The following ARSF variants were observed in gnomAD, a reference collection of about 807,000 sequenced individuals.
The protein encoded by ARSF is arylsulfatase F.
ARSF carries 33 observed loss-of-function variants against 35.4 expected under a neutral mutation model. The ratio of observed to expected loss-of-function variants is 0.93; its 90% CI spans 0.71 to 1.25. The LOEUF (loss-of-function observed/expected upper bound fraction) is 1.25. Ranked by LOEUF, ARSF falls within the 50% of genes most tolerant of loss-of-function variation. The pLI is 0.00. For missense variants in ARSF, 501 were observed against 480.2 expected, an observed-to-expected ratio of 1.04 and a Z score of -0.40; for synonymous variants, 222 against 193.1, an observed-to-expected ratio of 1.15 and a Z score of -1.24.
chrX:3,067,910 C>T (rs971045396), intron 1 of ARSF, among the ~76,000 whole-genome samples, 163 bp from the exon 2 acceptor site: 9 of 109,291 alleles, frequency 8.2e-5, no homozygotes, highest in African/African-American at 3.0e-4. Flanking sequence ...AGGATTTGTG[C>T]AGTAGTGGCC....
chrX:3,063,256 C>T (rs1467092143), intron 1 of ARSF, among the ~76,000 whole-genome samples: 1 of 111,338 alleles, frequency 9.0e-6, no homozygotes, highest in Non-Finnish European at 1.9e-5. Context: ...ATTCAGCAGC[C>T]CTTCATGCTA....
At chrX:3,072,515 A>T (rs1298664047) in intron 3 of ARSF, among the ~76,000 whole-genome samples, 4 of 111,264 alleles carry the variant, frequency 3.6e-5, no homozygotes, top group South Asian at 3.8e-4. Context: ...CAGGATGGTC[A>T]TAGTAAAAGC....
At chrX:3,108,709 T>C (rs1040092637) in intron 9 of ARSF, among the ~76,000 whole-genome samples, 1 of 111,841 alleles carries the variant, frequency 8.9e-6, no homozygotes, top group Non-Finnish European at 1.9e-5. Flanking sequence ...GTAAATATAG[T>C]TTTATTTCTT....
intron 1 of ARSF, among the ~76,000 whole-genome samples, chrX:3,044,706 C>A (rs1402649112): frequency 9.1e-6 from 1 of 109,687 alleles, no homozygotes; most frequent in Non-Finnish European, 1.9e-5. Context: ...CTTCTCTGCT[C>A]GCCACTCAGT....
chrX:3,058,399 C>G (rs1398729677), intron 1 of ARSF: 1 of 154,006 alleles, frequency 6.5e-6, no homozygotes, highest in Non-Finnish European at 1.3e-5. Context: ...TGGTGCTGAA[C>G]GTAGTGCAGA....
At chrX:3,110,294 A>AG (rs1334917980) in intron 10 of ARSF, 42 bp downstream of exon 10, 12 of 1,104,465 alleles carry the variant, frequency 1.1e-5, no homozygotes, top group Non-Finnish European at 1.4e-5. Flanking sequence ...TGCCAGGAGC[A>AG]GGGTCACTCA....
chrX:3,043,777 G>A (rs761598993), intron 1 of ARSF, among the ~76,000 whole-genome samples: 2 of 111,311 alleles, frequency 1.8e-5, no homozygotes, highest in East Asian at 5.7e-4. Flanking sequence ...TTGTCTGTTT[G>A]TTTGATTGAT....
intron 7 of ARSF, among the ~76,000 whole-genome samples, chrX:3,095,944 T>C: frequency 9.6e-6 from 1 of 104,000 alleles, no homozygotes. Context: ...CTATATTTTA[T>C]ATATATCTAA....
intron 6 of ARSF, among the ~76,000 whole-genome samples, chrX:3,087,336 T>C (rs2090255663): frequency 8.9e-6 from 1 of 111,837 alleles, no homozygotes; most frequent in Non-Finnish European, 1.9e-5. Flanking sequence ...GCTTCCTCTG[T>C]AGGCTCTAGG....
intron 6 of ARSF, among the ~76,000 whole-genome samples, chrX:3,086,100 C>A (rs2090246240): frequency 1.8e-5 from 2 of 111,492 alleles, no homozygotes; most frequent in African/African-American, 6.5e-5. Flanking sequence ...TCACTTAGAG[C>A]AAATCTTTCT....
At chrX:3,084,135 TG>T in intron 5 of ARSF, 107 bp from the exon 6 acceptor site, 1 of 909,881 alleles carries the variant, frequency 1.1e-6, no homozygotes, top group East Asian at 3.1e-5. Context: ...ACTTTATTTT[TG>T]TGTATTAGCT....
chrX:3,090,155 TTTTG>T (rs1324731928), intron 7 of ARSF, among the ~76,000 whole-genome samples: 1 of 112,045 alleles, frequency 8.9e-6, no homozygotes, highest in East Asian at 2.8e-4. Context: ...CTCCCACTTA[TTTTG>T]TTTCATTTTT....
intron 7 of ARSF, among the ~76,000 whole-genome samples, chrX:3,093,398 C>A (rs1167217802): frequency 1.8e-5 from 2 of 111,420 alleles, no homozygotes; most frequent in Non-Finnish European, 3.8e-5. Flanking sequence ...AGATTTTCAG[C>A]CCTTGTCCCC....
chrX:3,055,342 CAAAAAAAAAAAA>C, intron 1 of ARSF, among the ~76,000 whole-genome samples: 1 of 32,442 alleles, frequency 3.1e-5, no homozygotes, highest in East Asian at 1.1e-3. Flanking sequence ...AACTCCATTT[CAAAAAAAAAAAA>C]AAAAAAAAAA....
rs780763969 is a variant in ARSF at position 3,103,849 on chromosome X, T to G, written c.1190T>G (p.Ile397Ser). The G allele has an allele frequency of 4.1e-6, 5 of 1,211,562 alleles. No homozygotes were observed. In the Admixed American group the frequency reaches 1.1e-4, roughly 26 times the overall value. Reference sequence around the variant, plus strand: ...GGAAAGGTACCAGCTGGACGGTTGATTAAGGAACCTACAAGTTTAATGGAT... The same window carrying G: ...GGAAAGGTACCAGCTGGACGGTTGAGTAAGGAACCTACAAGTTTAATGGAT... The part of the protein sequence containing the change: ...WPGKVPAGRL[I>S]KEPTSLMDIL... Residue 397 changes from isoleucine (I) to serine (S), a missense_variant, in exon 9 of 11, where the codon ATT becomes AGT. Ile to Ser is a moderately radical substitution (Grantham distance 142). Coordinates refer to ENST00000381127, the MANE Select transcript of ARSF (RefSeq NM_001201539.2).
intron 3 of ARSF, among the ~76,000 whole-genome samples, chrX:3,073,672 A>C (rs1453058787): frequency 7.1e-5 from 7 of 98,318 alleles, no homozygotes; most frequent in African/African-American, 2.1e-4. Context: ...ATAATTAAAT[A>C]TATAATTAAT....
intron 3 of ARSF, among the ~76,000 whole-genome samples, chrX:3,074,855 A>G (rs2090134626): frequency 9.0e-6 from 1 of 110,594 alleles, no homozygotes; most frequent in South Asian, 3.9e-4. Flanking sequence ...CCTGTTCTCG[A>G]CCCTCACCCC....
chrX:3,065,551 C>T (rs998957071), intron 1 of ARSF, among the ~76,000 whole-genome samples: 4 of 106,932 alleles, frequency 3.7e-5, no homozygotes, highest in African/African-American at 1.4e-4. Context: ...ACAGGAAAAT[C>T]GTTTAAGACC....
intron 5 of ARSF, among the ~76,000 whole-genome samples, chrX:3,082,307 T>C (rs1452253397): frequency 9.0e-6 from 1 of 111,723 alleles, no homozygotes; most frequent in Non-Finnish European, 1.9e-5. Context: ...GATTTATCTA[T>C]AGCTATCATC....
Sources: allele counts gnomAD v4.1 joint callset (sites outside exome capture counted in the v4.1 genomes callset), GRCh38; gene constraint gnomAD v4.1.1; transcripts MANE v1.5; gene names NCBI Gene and HGNC (gene_info 2026-07-23, HGNC 2026-07-21).